Variants in MSRA observed in about 807,000 individuals in gnomAD.
MSRA encodes the protein methionine sulfoxide reductase A, also known as mitochondrial peptide methionine sulfoxide reductase.
In MSRA, 54 loss-of-function variants were observed where a neutral mutation model predicts 31.3. The ratio of observed to expected loss-of-function variants is 1.73; its 90% CI spans 1.39 to 2.17. The LOEUF (loss-of-function observed/expected upper bound fraction) is 2.17, where lower values mean the gene tolerates loss of function less well. MSRA is among the 30% of genes most tolerant of loss of function. MSRA has a pLI of 0.00. For missense variants in MSRA, 507 were observed against 300.9 expected (o/e 1.69, Z -5.07); for synonymous variants, 169 against 116.5 (o/e 1.45, Z -2.90).
intron 2 of MSRA, among the ~76,000 whole-genome samples, chr8:10,218,659 T>C (rs963940185): frequency 2.0e-5 from 3 of 152,236 alleles, no homozygotes; most frequent in Admixed American, 1.3e-4. Context: ...ATTTTCCTTA[T>C]GTACCATTTT....
chr8:10,148,673 A>G (rs932168513), intron 1 of MSRA, among the ~76,000 whole-genome samples: 12 of 151,290 alleles, frequency 7.9e-5, no homozygotes, highest in Non-Finnish European at 1.8e-4. Context: ...GAATTTAGTT[A>G]TATTTAACAA....
chr8:10,088,753 C>G (rs373068745), intron 1 of MSRA, among the ~76,000 whole-genome samples: 3 of 152,132 alleles, frequency 2.0e-5, no homozygotes, highest in East Asian at 3.9e-4. Context: ...AAAAGTCTAT[C>G]AAGGGAGGAA....
intron 5 of MSRA, among the ~76,000 whole-genome samples, chr8:10,380,075 T>C (rs1041139452): frequency 1.3e-5 from 2 of 152,214 alleles, no homozygotes; most frequent in African/African-American, 4.8e-5. Context: ...ATGTCCATCT[T>C]GTTCTTGGTT....
chr8:10,256,216 A>T (rs1798170726), intron 3 of MSRA, among the ~76,000 whole-genome samples: 1 of 152,208 alleles, frequency 6.6e-6, no homozygotes, highest in Admixed American at 6.5e-5. Flanking sequence ...TTGAGTTGAA[A>T]TCACACAGCC....
intron 4 of MSRA, among the ~76,000 whole-genome samples, chr8:10,310,821 G>A (rs1250913305): frequency 6.6e-6 from 1 of 152,196 alleles, no homozygotes; most frequent in Non-Finnish European, 1.5e-5. Context: ...CTATCAGAAA[G>A]CAGAAAACAT....
intron 3 of MSRA, among the ~76,000 whole-genome samples, chr8:10,274,126 A>G (rs2975659): frequency 0.14 from 21,549 of 152,194 alleles, 1,992 homozygotes; most frequent in Admixed American, 0.31. Flanking sequence ...GCCCAGTGCT[A>G]TTATCACAGA....
At chr8:10,407,583 G>A (rs771830867) in intron 5 of MSRA, among the ~76,000 whole-genome samples, 12 of 152,190 alleles carry the variant, frequency 7.9e-5, no homozygotes, top group Non-Finnish European at 1.3e-4. Context: ...AGGGGACAGC[G>A]AAGACCAACC....
chr8:10,283,835 A>G (rs1799780253), intron 3 of MSRA, among the ~76,000 whole-genome samples: 1 of 84,206 alleles, frequency 1.2e-5, no homozygotes. Context: ...ATATATATAT[A>G]TACACACACA....
intron 5 of MSRA, among the ~76,000 whole-genome samples, chr8:10,369,266 G>C (rs1435188060): frequency 1.4e-5 from 2 of 147,644 alleles, no homozygotes; most frequent in Admixed American, 1.3e-4. Flanking sequence ...AAAAAAAAAC[G>C]AAGAAGAAAT....
At chr8:10,219,806 C>CAAAAAAAAAAAAAAAA (rs59393980) in intron 2 of MSRA, among the ~76,000 whole-genome samples, 2 of 57,124 alleles carry the variant, frequency 3.5e-5, no homozygotes, top group African/African-American at 1.8e-4. Flanking sequence ...ACTCTGTCTC[C>CAAAAAAAAAAAAAAAA]AAAAAAAAAA....
chr8:10,423,492 C>T (rs1291144934), intron 5 of MSRA, among the ~76,000 whole-genome samples: 2 of 148,248 alleles, frequency 1.3e-5, no homozygotes, highest in African/African-American at 2.5e-5. Flanking sequence ...CCAGGTTGAC[C>T]AGTGGACTTG....
rs368869065 is a variant in MSRA, at chr8:10,113,945, C to G, written c.142+59287C>G. Among the ~76,000 whole-genome samples the G allele has an allele frequency of 3.3e-5, 5 of 152,062 alleles. No individual in the cohort carries two copies. In the East Asian group the frequency reaches 5.8e-4, roughly 18 times the overall value. The stretch of plus-strand genomic sequence containing the variant: ...ATTATCCCCAAAAGAAACTCCATAC[C>G]CTTTAGCACTCACTCCTCATTCTCC... On this transcript the variant is annotated intron_variant, in intron 1 of 5. Coordinates refer to ENST00000317173, the MANE Select transcript of MSRA (RefSeq NM_012331.5).
At chr8:10,390,626 T>C (rs908958766) in intron 5 of MSRA, among the ~76,000 whole-genome samples, 2 of 151,794 alleles carry the variant, frequency 1.3e-5, no homozygotes, top group South Asian at 4.2e-4. Context: ...CAAGGAAGAG[T>C]AAAAATCACA....
Position 10,404,150 on chromosome 8 carries a change from C to A in MSRA, c.544-23998C>A, listed in dbSNP as rs566753817. 8.4e-4 allele frequency among the ~76,000 whole-genome samples: 128 copies of A among 152,238 alleles called. 1 individual carries two copies. Among genetic ancestry groups the A allele is most frequent in the Middle Eastern group, 6.8e-3 (2 of 294 alleles). On this transcript the variant is annotated intron_variant, in intron 5 of 5. Coordinates refer to ENST00000317173, the MANE Select transcript of MSRA (RefSeq NM_012331.5). ...GCCCTCCGCATGTCACAATGCATCACCTCGGCCCCTGGTCCACGTGGAGAG... is the reference window on the plus strand; with the variant it reads ...GCCCTCCGCATGTCACAATGCATCAACTCGGCCCCTGGTCCACGTGGAGAG...
At chr8:10,364,393 G>A (rs755468440) in intron 5 of MSRA, among the ~76,000 whole-genome samples, 4 of 152,156 alleles carry the variant, frequency 2.6e-5, no homozygotes, top group African/African-American at 4.8e-5. Flanking sequence ...GTTGTGTCTC[G>A]AAATCATCCT....
At chr8:10,335,250 G>GTTTTT (rs1170264568) in intron 5 of MSRA, among the ~76,000 whole-genome samples, 1,108 of 79,722 alleles carry the variant, frequency 0.014, 13 homozygotes, top group South Asian at 0.038. Flanking sequence ...TCCCAGCTCT[G>GTTTTT]TTTTTTTTTT....
chr8:10,290,382 A>G (rs1171423806), intron 3 of MSRA, among the ~76,000 whole-genome samples: 2 of 152,202 alleles, frequency 1.3e-5, no homozygotes, highest in East Asian at 3.9e-4. Context: ...GCTAAACTAT[A>G]TAGTATGCCA....
intron 1 of MSRA, among the ~76,000 whole-genome samples, chr8:10,197,461 C>T (rs540164091): frequency 6.6e-6 from 1 of 151,942 alleles, no homozygotes; most frequent in African/African-American, 2.4e-5. Flanking sequence ...CATGTGTTGA[C>T]GTGTCTGATC....
chr8:10,374,454 G>A lies in MSRA; in HGVS notation c.544-53694G>A, dbSNP rs575506923. 1.1e-4 allele frequency among the ~76,000 whole-genome samples: 16 copies of A among 152,222 alleles called. No homozygotes were observed. The South Asian group carries it at 1.5e-3, about 14-fold the overall frequency. The stretch of plus-strand genomic sequence containing the variant: ...GCTGGGTACCGTGCATATGAGTCCC[G>A]CAAGAACACTATGAGGAAGGTCTTA... On this transcript the variant is annotated intron_variant, in intron 5 of 5. Coordinates refer to ENST00000317173, the MANE Select transcript of MSRA (RefSeq NM_012331.5).
Sources: allele counts gnomAD v4.1 joint callset (sites outside exome capture counted in the v4.1 genomes callset), GRCh38; gene constraint gnomAD v4.1.1; transcripts MANE v1.5; gene names NCBI Gene and HGNC (gene_info 2026-07-23, HGNC 2026-07-21).